Variants in KCTD9 observed in about 807,000 individuals in gnomAD.
The protein encoded by KCTD9 is BTB/POZ domain-containing protein KCTD9.
In KCTD9, 17 loss-of-function variants were observed where a neutral mutation model predicts 53.3. The ratio of observed to expected loss-of-function variants is 0.32; its 90% CI spans 0.22 to 0.48. The LOEUF (loss-of-function observed/expected upper bound fraction) is 0.48, where lower values mean the gene tolerates loss of function less well. Among genes scored for constraint, KCTD9 ranks in the 20% least tolerant of loss-of-function variants. KCTD9 has a pLI of 0.99. For synonymous variants in KCTD9, 128 were observed against 162.7 expected (o/e 0.79, Z 1.62); for missense variants, 179 against 465.5 (o/e 0.38, Z 5.66).
intron 3 of KCTD9, 84 bp downstream of exon 3, chr8:25,444,208 C>T: frequency 1.9e-6 from 2 of 1,076,868 alleles, no homozygotes; most frequent in Non-Finnish European, 2.7e-6. Flanking sequence ...AATGTTTAAG[C>T]TTAATAGCCC....
intron 4 of KCTD9, among the ~76,000 whole-genome samples, chr8:25,440,005 T>A (rs1034941753): frequency 6.6e-6 from 1 of 152,060 alleles, no homozygotes; most frequent in Non-Finnish European, 1.5e-5. Flanking sequence ...CAAATTTCAG[T>A]AGTGTTAATT....
chr8:25,431,085 C>T lies in KCTD9; in HGVS notation c.1054-1112G>A, dbSNP rs190450898. Among the ~76,000 whole-genome samples, 567 of 152,214 alleles carry T rather than the reference C, an allele frequency of 3.7e-3. 7 individuals carry two copies. Among genetic ancestry groups the T allele is most frequent in the African/African-American group, 0.013 (531 of 41,526 alleles). On this transcript the variant is annotated intron_variant, in intron 11 of 11. Coordinates refer to ENST00000221200, the MANE Select transcript of KCTD9 (RefSeq NM_017634.4). ...ACCTCAAGTGATTCGCCCACCTTGG[C>T]CTCCCAAAATGCTGGGGTTACAGGC...
At chr8:25,431,100 G>C (rs1291769061) in intron 11 of KCTD9, among the ~76,000 whole-genome samples, 1 of 151,986 alleles carries the variant, frequency 6.6e-6, no homozygotes, top group Non-Finnish European at 1.5e-5. Flanking sequence ...CAAAATGCTG[G>C]GGTTACAGGC....
At chr8:25,440,427 TCAAAAA>T in intron 4 of KCTD9, 144 bp downstream of exon 4, 1 of 597,212 alleles carries the variant, frequency 1.7e-6, no homozygotes, top group South Asian at 2.2e-5. Context: ...GTTTTTTTCT[TCAAAAA>T]AAGTTATAAA....
chr8:25,450,966 G>T (rs896948774), intron 1 of KCTD9, among the ~76,000 whole-genome samples: 15 of 152,258 alleles, frequency 9.9e-5, no homozygotes, highest in Non-Finnish European at 2.1e-4. Flanking sequence ...TTTCCTTTAA[G>T]TGAAATAACC....
In KCTD9 at chr8:25,427,977, C is replaced by A. The variant is rs1720250369; in HGVS notation, c.*1880G>T. ...TCAACACATATTGAAGAAATGTAAG[C>A]AAAATACAGAAAGTGATGATTTTCA... On this transcript the variant is annotated 3_prime_UTR_variant, in exon 12 of 12. Coordinates refer to ENST00000221200, the MANE Select transcript of KCTD9 (RefSeq NM_017634.4). 2 of 152,106 alleles carry A rather than the reference C, an allele frequency of 1.3e-5. No homozygotes were observed. The highest frequency in any genetic ancestry group is 4.8e-5 in the African/African-American group (2 of 41,414). The allele number at this position is 152,106 out of a possible 1,614,324, so 9.4% of individuals were successfully genotyped here.
intron 3 of KCTD9, among the ~76,000 whole-genome samples, chr8:25,441,194 G>C (rs3812423): frequency 0.4 from 60,784 of 150,656 alleles, 12,664 homozygotes; most frequent in African/African-American, 0.51. Context: ...AAAAAGGACT[G>C]CAGATGAAAG....
chr8:25,447,627 G>A (rs1802239018), intron 1 of KCTD9, among the ~76,000 whole-genome samples: 1 of 152,110 alleles, frequency 6.6e-6, no homozygotes, highest in Non-Finnish European at 1.5e-5. Context: ...CAAAAGCAGA[G>A]TACTCAGATT....
chr8:25,449,553 C>G (rs767707228), intron 1 of KCTD9, among the ~76,000 whole-genome samples: 4 of 133,298 alleles, frequency 3.0e-5, no homozygotes, highest in Admixed American at 7.2e-5. Flanking sequence ...ATATGATTGA[C>G]TTGGTTTTTC....
chr8:25,439,314 C>A lies in KCTD9; in HGVS notation c.464G>T (p.Gly155Val). ...FEPILNYLRHGQLIVNDGINL... is the reference protein window; with the variant it reads ...FEPILNYLRHVQLIVNDGINL... ...AATGCCATCATTTACAATGAGCTGT[C>A]CATGACGCAAGTAGTTCAAAATGGG... Residue 155 changes from glycine to valine, a missense_variant, in exon 6 of 12, where the codon GGA (glycine) becomes GTA (valine). Coordinates refer to ENST00000221200, the MANE Select transcript of KCTD9 (RefSeq NM_017634.4). 1 of 1,612,028 alleles carries A rather than the reference C, an allele frequency of 6.2e-7. No individual in the cohort carries two copies.
intron 1 of KCTD9, among the ~76,000 whole-genome samples, chr8:25,456,988 T>C (rs1269394152): frequency 1.3e-5 from 2 of 152,218 alleles, no homozygotes; most frequent in East Asian, 1.9e-4. Flanking sequence ...AAAAAGTTAA[T>C]AGTGATGAGA....
intron 6 of KCTD9, among the ~76,000 whole-genome samples, chr8:25,438,900 A>C (rs1168395509): frequency 6.6e-6 from 1 of 152,232 alleles, no homozygotes; most frequent in Non-Finnish European, 1.5e-5. Flanking sequence ...TAGTTCTCAC[A>C]TAATGTGGGG....
intron 1 of KCTD9, among the ~76,000 whole-genome samples, chr8:25,447,946 G>A (rs146659100): frequency 1.6e-4 from 24 of 152,176 alleles, no homozygotes; most frequent in South Asian, 1.0e-3. Flanking sequence ...GGCCAACATG[G>A]TGAAACATGG....
intron 6 of KCTD9, among the ~76,000 whole-genome samples, chr8:25,437,609 C>T (rs1802041121): frequency 6.6e-6 from 1 of 151,874 alleles, no homozygotes; most frequent in East Asian, 1.9e-4. Context: ...ATCCAGGAGG[C>T]GGACCTTACA....
intron 8 of KCTD9, 35 bp downstream of exon 8, chr8:25,436,200 G>A (rs765731612): frequency 1.9e-5 from 23 of 1,238,092 alleles, no homozygotes; most frequent in Non-Finnish European, 2.7e-5. Flanking sequence ...TAGATTTGCT[G>A]ATAGAAATAA....
At chr8:25,438,461 A>G (rs917527121) in intron 6 of KCTD9, among the ~76,000 whole-genome samples, 3 of 152,244 alleles carry the variant, frequency 2.0e-5, no homozygotes, top group African/African-American at 7.2e-5. Flanking sequence ...AATGTTTTCA[A>G]AACAAAAACA....
intron 2 of KCTD9, among the ~76,000 whole-genome samples, chr8:25,444,983 T>C (rs775658289): frequency 2.6e-5 from 4 of 152,194 alleles, no homozygotes; most frequent in Non-Finnish European, 5.9e-5. Context: ...TTTTATTTCC[T>C]ATAGGACATC....
chr8:25,432,782 A>T (rs1801953690), intron 10 of KCTD9, 145 bp from the exon 11 acceptor site: 1 of 670,816 alleles, frequency 1.5e-6, no homozygotes. Flanking sequence ...TTATATATAT[A>T]AACAGTTTAC....
At chr8:25,448,955 T>A (rs1168462952) in intron 1 of KCTD9, among the ~76,000 whole-genome samples, 1 of 151,756 alleles carries the variant, frequency 6.6e-6, no homozygotes, top group Non-Finnish European at 1.5e-5. Flanking sequence ...CTAAAACATG[T>A]CCCCCATATT....
Sources: gnomAD v4.1 joint callset for allele counts (sites outside exome capture counted in the v4.1 genomes callset) on GRCh38, gnomAD v4.1.1 for gene constraint, MANE v1.5 for transcripts, NCBI Gene and HGNC (gene_info 2026-07-23, HGNC 2026-07-21) for gene names.